Variants in ARID5A observed in about 807,000 individuals in gnomAD.
The protein encoded by ARID5A is AT-rich interaction domain 5A.
In ARID5A, 14 loss-of-function variants were observed where a neutral mutation model predicts 30.5. That is an observed-to-expected ratio of 0.46 (90% CI 0.30 to 0.72). The LOEUF (loss-of-function observed/expected upper bound fraction) is 0.72, where lower values mean the gene tolerates loss of function less well. Ranked by LOEUF, ARID5A falls within the 30% of genes least tolerant of loss-of-function variation. ARID5A has a pLI of 0.07. For missense variants in ARID5A, 669 were observed against 786.2 expected (o/e 0.85, Z 1.78); for synonymous variants, 338 against 340.4 (o/e 0.99, Z 0.08).
At position 96,549,338 on chromosome 2, in the gene ARID5A, C is replaced by T. The variant is rs563247696; in HGVS notation, c.138C>T (p.Gly46=). ...PISLEDSPEA[G]GEREEEQERE... is the part of the protein sequence containing the mutation. ...CTCCCCAGGACTCCCCCGAGGCAGG[C>T]GGGGAGCGGGAGGAGGAGCAGGAGC... Residue 46 remains glycine, a synonymous_variant, in exon 3 of 7, where the codon GGC becomes GGT. Coordinates refer to ENST00000357485, the MANE Select transcript of ARID5A (RefSeq NM_212481.3). The surrounding 1 kb of genome is among the most constrained non-coding windows in gnomAD (Gnocchi z 6.1). 9 of 1,613,262 alleles carry T rather than the reference C, an allele frequency of 5.6e-6. No individual in the cohort carries two copies. Among genetic ancestry groups the T allele is most frequent in the Admixed American group, 3.3e-5 (2 of 60,014 alleles).
chr2:96,549,789 TG>T lies in ARID5A; in HGVS notation c.301del (p.Ala101ProfsTer5), dbSNP rs2065993490. ...AAGATCTACAAAGCAGTGGAGAAGC[TG>T]GGGGCCTATGAGCTGGTAAGGAAGG... ...LWKIYKAVEKLGAYELVTGRR... is the reference protein window; with the variant it reads ...LWKIYKAVEKXGAYELVTGRR... On this transcript the variant is annotated frameshift_variant, in exon 4 of 7. Coordinates refer to ENST00000357485, the MANE Select transcript of ARID5A (RefSeq NM_212481.3). LOFTEE classifies it high-confidence loss of function. This position sits in a 1 kb window ranked among gnomAD's most constrained non-coding sequence, Gnocchi z 6.1. The T allele has an allele frequency of 6.2e-7, 1 of 1,613,256 alleles. No homozygotes were observed. Among genetic ancestry groups the T allele is most frequent in the South Asian group, 1.1e-5 (1 of 90,980 alleles).
Position 96,550,118 on chromosome 2 carries a change from G to T in ARID5A, c.313-70G>T. On this transcript the variant is annotated intron_variant, in intron 4 of 6. Coordinates refer to ENST00000357485, the MANE Select transcript of ARID5A (RefSeq NM_212481.3). The surrounding 1 kb of genome is among the most constrained non-coding windows in gnomAD (Gnocchi z 6.6). ...CAGTCCTTCGAGTCCCTGCGAGGGC[G>T]GCCGGAGCTGCAAGGACCCCGCCGC... 6.5e-7 allele frequency: 1 copy of T among 1,531,772 alleles called. No individual in the cohort carries two copies. Among genetic ancestry groups the T allele is most frequent in the Non-Finnish European group, 8.7e-7 (1 of 1,144,038 alleles). 94.9% of individuals were successfully genotyped at this position (1,531,772 alleles called of 1,614,324 possible). A position where few individuals can be genotyped will look rare whatever the true frequency, so the allele number is the denominator to read the frequency against.
At chr2:96,541,003 C>T (rs1477985626) in intron 1 of ARID5A, among the ~76,000 whole-genome samples, 1 of 151,602 alleles carries the variant, frequency 6.6e-6, no homozygotes, top group Admixed American at 6.6e-5. Flanking sequence ...CCTTGGCCTC[C>T]CAAAGTGCCA....
rs770664548 is a variant in ARID5A, at chr2:96,552,190, C to T, written c.1662C>T (p.Phe554=). ...PSPMAAGLMH[F]PPTSFDSALR... is the part of the protein sequence containing the mutation. ...CCATGGCCGCTGGCCTGATGCACTT[C>T]CCCCCAACGTCCTTCGACAGTGCCC... is the stretch of plus-strand genomic sequence containing the variant. Residue 554 remains phenylalanine (F), a synonymous_variant, in exon 7 of 7, where the codon TTC becomes TTT. Transcript: ENST00000357485. 1.9e-6 allele frequency: 3 copies of T among 1,613,388 alleles called. No individual in the cohort carries two copies. The South Asian group carries it at 3.3e-5, about 18-fold the overall frequency.
At position 96,536,753 on chromosome 2, in the gene ARID5A, T is replaced by C. The variant is rs55768571; in HGVS notation, c.-74T>C. 0.056 allele frequency: 64,048 copies of C among 1,149,562 alleles called. 2,039 individuals are homozygous for C. Among genetic ancestry groups the C allele is most frequent in the Non-Finnish European group, 0.061 (56,903 of 935,750 alleles). The allele number at this position is 1,149,562 out of a possible 1,614,324, so 71.2% of individuals were successfully genotyped here. On this transcript the variant is annotated 5_prime_UTR_variant, in exon 1 of 7. Coordinates refer to ENST00000357485, the MANE Select transcript of ARID5A (RefSeq NM_212481.3). ...CGGCGGGCCGCGCCGCGAGCCAGTA[T>C]CTCAGAGAGCGCGGGGTCCGGACAG...
intron 2 of ARID5A, among the ~76,000 whole-genome samples, chr2:96,548,660 A>G (rs1220195052): frequency 6.6e-6 from 1 of 152,204 alleles, no homozygotes; most frequent in African/African-American, 2.4e-5. Flanking sequence ...TGAGCAGGGT[A>G]TGGGCCCTAG....
At chr2:96,547,329 G>C in intron 1 of ARID5A, 73 bp from the exon 2 acceptor site, 3 of 1,301,478 alleles carry the variant, frequency 2.3e-6, no homozygotes, top group Non-Finnish European at 3.2e-6. Context: ...GAGTGCTCCT[G>C]TTCCTCCCTG....
At position 96,549,351 on chromosome 2, in the gene ARID5A, G is replaced by GAGGAGCAGGAGC. The variant is rs746674565; in HGVS notation, c.152_163dup (p.Glu54_Arg55insGlnGluGlnGlu). The GAGGAGCAGGAGC allele has an allele frequency of 2.5e-6, 4 of 1,613,400 alleles. No homozygotes were observed. In the South Asian group the frequency reaches 4.4e-5, roughly 18 times the overall value. On this transcript the variant is annotated inframe_insertion, in exon 3 of 7. Coordinates refer to ENST00000357485, the MANE Select transcript of ARID5A (RefSeq NM_212481.3). The surrounding 1 kb of genome is among the most constrained non-coding windows in gnomAD (Gnocchi z 6.1). ...CCCCGAGGCAGGCGGGGAGCGGGAG[G>GAGGAGCAGGAGC]AGGAGCAGGAGCGGGAGGAGGAGCA...
At chr2:96,548,330 A>G (rs547621622) in intron 2 of ARID5A, among the ~76,000 whole-genome samples, 1 of 152,294 alleles carries the variant, frequency 6.6e-6, no homozygotes, top group South Asian at 2.1e-4. Context: ...CAGTGGCACA[A>G]TCTTGGCTCA....
Position 96,551,149 on chromosome 2 carries a change from C to T in ARID5A, c.621C>T (p.Pro207=). 1 of 1,613,712 alleles carries T rather than the reference C, an allele frequency of 6.2e-7. No individual in the cohort carries two copies. Among genetic ancestry groups the T allele is most frequent in the Non-Finnish European group, 8.5e-7 (1 of 1,179,892 alleles). The change falls in exon 7 of 7, where the codon CCC becomes CCT. Residue 207 remains proline, a synonymous_variant. Transcript: ENST00000357485. ...KADAADPAPL[P]SQEPPRNSTE... Reference sequence around the variant, plus strand: ...ATGCTGCTGACCCAGCACCACTTCCCAGCCAGGAGCCCCCCAGGAACAGCA... The same window carrying T: ...ATGCTGCTGACCCAGCACCACTTCCTAGCCAGGAGCCCCCCAGGAACAGCA...
chr2:96,544,365 T>C (rs2065891401), intron 1 of ARID5A, among the ~76,000 whole-genome samples: 2 of 152,354 alleles, frequency 1.3e-5, no homozygotes, highest in South Asian at 4.1e-4. Flanking sequence ...AGTCAATGCA[T>C]GGCTTCAAAA....
Position 96,551,411 on chromosome 2 carries a change from C to G in ARID5A, c.883C>G (p.Pro295Ala), listed in dbSNP as rs775122738. The G allele has an allele frequency of 3.7e-6, 6 of 1,604,684 alleles. No homozygotes were observed. Among genetic ancestry groups the G allele is most frequent in the Non-Finnish European group, 5.1e-6 (6 of 1,176,376 alleles). ...EPQASPAVHL[P>A]ESPQSPKGLT... ...CCAGGCGTCCCCAGCTGTTCACCTC[C>G]CAGAGAGTCCCCAGAGCCCCAAAGG... is the stretch of plus-strand genomic sequence containing the variant. Residue 295 changes from proline (P) to alanine (A), a missense_variant, in exon 7 of 7, where the codon CCA becomes GCA. This residue lies in a region of ARID5A where 548 missense variants were observed against 577.4 expected (regional missense o/e 0.95). Coordinates refer to ENST00000357485, the MANE Select transcript of ARID5A (RefSeq NM_212481.3).
intron 1 of ARID5A, chr2:96,538,320 C>T (rs935553371): frequency 4.1e-6 from 4 of 985,518 alleles, no homozygotes; most frequent in Non-Finnish European, 4.8e-6. Context: ...TCCCAGAGCC[C>T]GGTAAGAGGG....
chr2:96,545,196 G>A (rs1322658438), intron 1 of ARID5A, among the ~76,000 whole-genome samples: 2 of 117,896 alleles, frequency 1.7e-5, no homozygotes, highest in African/African-American at 6.7e-5. Context: ...TTGTTCCATC[G>A]CCCAGACTGG....
chr2:96,545,156 C>CTTTTTTTTT (rs35156624), intron 1 of ARID5A, among the ~76,000 whole-genome samples: 3 of 116,336 alleles, frequency 2.6e-5, no homozygotes, highest in Non-Finnish European at 5.3e-5. Context: ...TTTTCTTTTT[C>CTTTTTTTTT]TTTTTTTTTT....
intron 1 of ARID5A, among the ~76,000 whole-genome samples, chr2:96,541,861 C>G (rs1017862269): frequency 6.6e-6 from 1 of 152,214 alleles, no homozygotes; most frequent in African/African-American, 2.4e-5. Context: ...GGCAGTAGTG[C>G]GGTGGCTCAC....
chr2:96,549,364 G>A lies in ARID5A; in HGVS notation c.164G>A (p.Arg55Gln), dbSNP rs61748139. ...AGGEREEEQE[R>Q]EEEQAFLVSL... ...GGGGAGCGGGAGGAGGAGCAGGAGC[G>A]GGAGGAGGAGCAGGCCTTCCTGGTC... is the stretch of plus-strand genomic sequence containing the variant. The change falls in exon 3 of 7, where the codon CGG becomes CAG. Residue 55 changes from arginine (R) to glutamine (Q), a missense_variant. Transcript: ENST00000357485. This position sits in a 1 kb window ranked among gnomAD's most constrained non-coding sequence, Gnocchi z 6.1. 6.2e-6 allele frequency: 10 copies of A among 1,613,756 alleles called. No individual in the cohort carries two copies. The highest frequency in any genetic ancestry group is 1.7e-4 in the Middle Eastern group (1 of 5,916).
chr2:96,552,473 A>G lies in ARID5A; in HGVS notation c.*160A>G. 1.3e-6 allele frequency: 2 copies of G among 1,539,376 alleles called. No individual in the cohort carries two copies. The highest frequency in any genetic ancestry group is 1.7e-6 in the Non-Finnish European group (2 of 1,147,122). ...CAAGTGAAGAAGAAGGCAGTGGGAA[A>G]ACTGGGTTTATCTCAAGGCAGCAGC... On this transcript the variant is annotated 3_prime_UTR_variant, in exon 7 of 7. Coordinates refer to ENST00000357485, the MANE Select transcript of ARID5A (RefSeq NM_212481.3).
At chr2:96,545,934 A>G (rs2065919978) in intron 1 of ARID5A, among the ~76,000 whole-genome samples, 1 of 152,044 alleles carries the variant, frequency 6.6e-6, no homozygotes, top group Non-Finnish European at 1.5e-5. Flanking sequence ...AGCCTGGGCA[A>G]CAGAGCAAGA....
Sources: allele counts gnomAD v4.1 joint callset (sites outside exome capture counted in the v4.1 genomes callset), GRCh38; gene constraint gnomAD v4.1.1; regional missense constraint gnomAD v4.1.1; non-coding constraint Gnocchi (gnomAD v3.1); transcripts MANE v1.5; gene names NCBI Gene and HGNC (gene_info 2026-07-23, HGNC 2026-07-21).